CLCN5: variants seen among roughly 807,000 people sequenced by gnomAD.
The protein encoded by CLCN5 is H(+)/Cl(-) exchange transporter 5.
A neutral mutation model predicts 54.0 loss-of-function variants in CLCN5; 17 were observed. The observed-to-expected ratio is 0.31, with a 90% CI of 0.22 to 0.47. CLCN5 has a LOEUF of 0.47. CLCN5 is among the 20% of genes least tolerant of loss of function. The pLI is 1.00. For missense variants in CLCN5, 448 were observed against 646.7 expected, an observed-to-expected ratio of 0.69 and a Z score of 3.33; for synonymous variants, 222 against 233.0, an observed-to-expected ratio of 0.95 and a Z score of 0.43.
intron 3 of CLCN5, among the ~76,000 whole-genome samples, chrX:49,944,695 C>G (rs1557171639): frequency 1.8e-5 from 2 of 111,761 alleles, no homozygotes; most frequent in Non-Finnish European, 3.8e-5. Flanking sequence ...TGTTTATATG[C>G]TGGATTACAT....
chrX:50,039,842 A>G (rs1315934072), intron 3 of CLCN5, among the ~76,000 whole-genome samples: 1 of 110,357 alleles, frequency 9.1e-6, no homozygotes, highest in Non-Finnish European at 1.9e-5. Context: ...ACAGGCACAC[A>G]CCACCACGCC....
intron 7 of CLCN5, among the ~76,000 whole-genome samples, chrX:50,078,680 C>G (rs1371637729): frequency 8.9e-6 from 1 of 112,626 alleles, no homozygotes; most frequent in Non-Finnish European, 1.9e-5. Context: ...CTCATGCTGC[C>G]CCTTTATAGC....
intron 3 of CLCN5, among the ~76,000 whole-genome samples, chrX:49,939,142 G>T (rs1332859845): frequency 2.7e-5 from 3 of 111,688 alleles, no homozygotes; most frequent in African/African-American, 9.8e-5. Context: ...GAAACAACAG[G>T]TGCTGGAAAG....
rs868912565 is a variant in CLCN5, at chrX:49,982,475, G to A, written c.16+57161G>A. 1.8e-4 allele frequency among the ~76,000 whole-genome samples: 20 copies of A among 110,958 alleles called. No homozygotes were observed. In the South Asian group the frequency reaches 2.7e-3, roughly 15 times the overall value. Reference sequence around the variant, plus strand: ...CCCCCCTTTTCAGTAAATGCAGCAAGTAATTTACAAGAAGTACTTCAGTTT... The same window carrying A: ...CCCCCCTTTTCAGTAAATGCAGCAAATAATTTACAAGAAGTACTTCAGTTT... On this transcript the variant is annotated intron_variant, in intron 3 of 14. Transcript: ENST00000376091.
intron 4 of CLCN5, chrX:50,054,675 C>T (rs953520549): frequency 1.8e-5 from 2 of 112,067 alleles, no homozygotes; most frequent in South Asian, 3.7e-4. Flanking sequence ...AAGCTTCTCT[C>T]TTCAGATTTT....
intron 3 of CLCN5, among the ~76,000 whole-genome samples, chrX:49,928,842 G>A (rs1388733623): frequency 1.8e-5 from 2 of 111,233 alleles, no homozygotes. Context: ...GGAGAATGGC[G>A]TGAACCCAGG....
At position 49,975,930 on chromosome X, in the gene CLCN5, C is replaced by T. The variant is rs782194611; in HGVS notation, c.16+50616C>T. Among the ~76,000 whole-genome samples, 54 of 111,754 alleles carry T rather than the reference C, an allele frequency of 4.8e-4. 1 individual carries two copies. The highest frequency in any genetic ancestry group is 1.9e-3 in the South Asian group (5 of 2,702). On this transcript the variant is annotated intron_variant, in intron 3 of 14. Transcript: ENST00000376091. Reference sequence around the variant, plus strand: ...TGGTGATTTTGCTTTTCCAAAGAACCCTTGATAATGTCTGGAGATGTTGTT... The same window carrying T: ...TGGTGATTTTGCTTTTCCAAAGAACTCTTGATAATGTCTGGAGATGTTGTT...
At chrX:50,060,555 T>C (rs1657907948) in intron 4 of CLCN5, among the ~76,000 whole-genome samples, 1 of 107,776 alleles carries the variant, frequency 9.3e-6, no homozygotes, top group African/African-American at 3.4e-5. Context: ...GAGATCAAAC[T>C]GCAAGGCGGC....
At chrX:50,038,602 C>T (rs1490746707) in intron 3 of CLCN5, among the ~76,000 whole-genome samples, 3 of 111,745 alleles carry the variant, frequency 2.7e-5, no homozygotes, top group Non-Finnish European at 5.6e-5. Flanking sequence ...GATCATGAAC[C>T]TCATAATCCC....
intron 4 of CLCN5, among the ~76,000 whole-genome samples, chrX:50,063,848 G>T (rs1451356497): frequency 9.0e-6 from 1 of 111,291 alleles, no homozygotes; most frequent in Non-Finnish European, 1.9e-5. Context: ...TGCAAGGCTG[G>T]TTCAGTATAC....
At chrX:49,973,213 A>G (rs2147329084) in intron 3 of CLCN5, among the ~76,000 whole-genome samples, 1 of 111,519 alleles carries the variant, frequency 9.0e-6, no homozygotes, top group East Asian at 2.8e-4. Flanking sequence ...ACTTTATACC[A>G]GATGATTTTT....
intron 4 of CLCN5, among the ~76,000 whole-genome samples, chrX:50,052,325 G>C (rs146502526): frequency 0.035 from 3,878 of 111,965 alleles, 78 homozygotes; most frequent in Non-Finnish European, 0.055. Context: ...TGTTATGCTA[G>C]ATTACATTGA....
intron 3 of CLCN5, among the ~76,000 whole-genome samples, chrX:49,998,893 T>C (rs1929659372): frequency 9.0e-6 from 1 of 111,421 alleles, no homozygotes; most frequent in Non-Finnish European, 1.9e-5. Flanking sequence ...AGACATCTGA[T>C]GTGTTCACCC....
At chrX:49,933,215 G>A (rs1268560602) in intron 3 of CLCN5, among the ~76,000 whole-genome samples, 1 of 111,213 alleles carries the variant, frequency 9.0e-6, no homozygotes, top group Non-Finnish European at 1.9e-5. Context: ...CTCAAGAAGC[G>A]AATTCTTTGT....
At chrX:50,079,888 T>A (rs1404764554) in intron 7 of CLCN5, among the ~76,000 whole-genome samples, 5 of 111,110 alleles carry the variant, frequency 4.5e-5, no homozygotes, top group Non-Finnish European at 9.4e-5. Flanking sequence ...GAGTTAATAA[T>A]GCTGTATACT....
intron 9 of CLCN5, among the ~76,000 whole-genome samples, chrX:50,082,316 CTT>C (rs781952945): frequency 1.3e-4 from 13 of 101,438 alleles, no homozygotes; most frequent in African/African-American, 7.1e-5. Flanking sequence ...ACTGGTTTTA[CTT>C]TTTTTTTTTT....
chrX:49,955,613 T>A (rs934697196), intron 3 of CLCN5, among the ~76,000 whole-genome samples: 9 of 111,830 alleles, frequency 8.0e-5, no homozygotes, highest in African/African-American at 2.6e-4. Flanking sequence ...ACATTCTGTC[T>A]TTACTTTTAA....
intron 3 of CLCN5, among the ~76,000 whole-genome samples, chrX:49,926,698 C>A (rs993923649): frequency 3.6e-5 from 4 of 111,874 alleles, no homozygotes; most frequent in Admixed American, 9.5e-5. Flanking sequence ...AATAAAGAGC[C>A]TTGTATGTTC....
At chrX:50,079,490 C>T (rs1195243431) in intron 7 of CLCN5, among the ~76,000 whole-genome samples, 27 of 112,381 alleles carry the variant, frequency 2.4e-4, no homozygotes, top group African/African-American at 8.7e-4. Context: ...TGACTATTTG[C>T]AGGCCCTTTA....
Sources: allele counts gnomAD v4.1 joint callset (sites outside exome capture counted in the v4.1 genomes callset), GRCh38; gene constraint gnomAD v4.1.1; transcripts MANE v1.5; gene names NCBI Gene and HGNC (gene_info 2026-07-23, HGNC 2026-07-21).